JAK1: variants seen among roughly 807,000 people sequenced by gnomAD.
The protein encoded by JAK1 is Janus kinase 1.
JAK1 carries 16 observed loss-of-function variants against 136.6 expected under a neutral mutation model. The observed-to-expected ratio is 0.12, with a 90% CI of 0.08 to 0.18. JAK1 has a LOEUF of 0.18. JAK1 is among the 10% of genes least tolerant of loss of function. JAK1 has a pLI of 1.00. For synonymous variants in JAK1, 492 were observed against 519.5 expected, an observed-to-expected ratio of 0.95 and a Z score of 0.72; for missense variants, 859 against 1,450.1, an observed-to-expected ratio of 0.59 and a Z score of 6.62.
exon 1 of JAK1, chr1:65,067,656 C>T (rs1397181269): frequency 6.7e-6 from 1 of 150,066 alleles, no homozygotes; most frequent in Non-Finnish European, 1.5e-5. Context: ...CCGCTATTTG[C>T]ATGAGGATTA....
At position 64,864,893 on chromosome 1, in the gene JAK1, T is replaced by C. The variant is rs1195291565; in HGVS notation, c.1070A>G (p.Asn357Ser). The C allele has an allele frequency of 6.2e-7, 1 of 1,613,924 alleles. No homozygotes were observed. Among genetic ancestry groups the C allele is most frequent in the Non-Finnish European group, 8.5e-7 (1 of 1,179,882 alleles). The change falls in exon 8 of 25, where the codon AAC becomes AGC. Residue 357 changes from asparagine (N) to serine (S), a missense_variant. This residue lies in a region of JAK1 where 353 missense variants were observed against 494.0 expected (regional missense o/e 0.71). Transcript: ENST00000342505. ...ATTGTTCCACTCTTCCCGGATCTTG[T>C]TTTTCTCCTCATCCTTCTTGTGTTT... ...ENKHKKDEEK[N>S]KIREEWNNFS...
At chr1:65,054,786 T>C (rs965489368) in intron 1 of JAK1, among the ~76,000 whole-genome samples, 1 of 151,980 alleles carries the variant, frequency 6.6e-6, no homozygotes, top group Non-Finnish European at 1.5e-5. Flanking sequence ...ATATTGAGTT[T>C]TCTTTACATT....
chr1:64,847,613 C>G lies in JAK1; in HGVS notation c.1818G>C (p.Lys606Asn), dbSNP rs555662015. 17 of 1,614,168 alleles carry G rather than the reference C, an allele frequency of 1.1e-5. No individual in the cohort carries two copies. Among genetic ancestry groups the G allele is most frequent in the Non-Finnish European group, 1.4e-5 (16 of 1,180,018 alleles). ...HIYSGTLMDY[K>N]DDEGTSEEKK... ...TCTCTTCAGAAGTTCCTTCGTCATC[C>G]TTGTAATCCATCAGGGTCCCAGAAT... The change falls in exon 13 of 25, where the codon AAG (lysine) becomes AAC (asparagine). Residue 606 changes from lysine (K) to asparagine (N), a missense_variant. By Grantham distance (94) the Lys-to-Asn change is moderately conservative. Around this residue, in one of 4 missense-constraint regions of JAK1, gnomAD observed 409 missense variants for 753.8 expected, o/e 0.54. Coordinates refer to ENST00000342505, the MANE Select transcript of JAK1 (RefSeq NM_002227.4).
intron 9 of JAK1, among the ~76,000 whole-genome samples, chr1:64,858,649 C>G (rs1656097859): frequency 6.6e-6 from 1 of 152,154 alleles, no homozygotes; most frequent in African/African-American, 2.4e-5. Flanking sequence ...GTGTCAGACC[C>G]TGTGTGTGCT....
intron 2 of JAK1, among the ~76,000 whole-genome samples, chr1:64,885,317 G>T (rs936868480): frequency 6.6e-6 from 1 of 152,198 alleles, no homozygotes; most frequent in Non-Finnish European, 1.5e-5. Flanking sequence ...GCTTCATAAT[G>T]TAAGATAAAC....
At chr1:64,910,638 A>G (rs1273995276) in intron 1 of JAK1, among the ~76,000 whole-genome samples, 1 of 152,164 alleles carries the variant, frequency 6.6e-6, no homozygotes, top group African/African-American at 2.4e-5. Flanking sequence ...GTTCGTGACC[A>G]GCCTGGCCAA....
intron 1 of JAK1, among the ~76,000 whole-genome samples, chr1:65,060,041 A>AT (rs1344946253): frequency 6.6e-6 from 1 of 152,186 alleles, no homozygotes; most frequent in East Asian, 1.9e-4. Context: ...ATTGCCTAAA[A>AT]TGCAAAAATA....
intron 1 of JAK1, among the ~76,000 whole-genome samples, chr1:64,887,199 G>A (rs1219849182): frequency 6.6e-6 from 1 of 152,190 alleles, no homozygotes; most frequent in African/African-American, 2.4e-5. Context: ...GGCTTGGGAA[G>A]GCTTTCTGCA....
At chr1:65,054,317 A>C (rs1348499395) in intron 1 of JAK1, among the ~76,000 whole-genome samples, 1 of 152,146 alleles carries the variant, frequency 6.6e-6, no homozygotes, top group Non-Finnish European at 1.5e-5. Flanking sequence ...ATACTTTTTA[A>C]AACTATACTT....
chr1:64,884,168 G>A (rs1644819224), intron 2 of JAK1, among the ~76,000 whole-genome samples: 1 of 152,136 alleles, frequency 6.6e-6, no homozygotes, highest in Non-Finnish European at 1.5e-5. Flanking sequence ...CTTTGGAACA[G>A]TTAGAAAACC....
At chr1:64,947,825 C>T (rs1260614903) in intron 1 of JAK1, among the ~76,000 whole-genome samples, 1 of 151,770 alleles carries the variant, frequency 6.6e-6, no homozygotes, top group Non-Finnish European at 1.5e-5. Context: ...ATAACATTTC[C>T]AGCTGGGCCA....
intron 1 of JAK1, among the ~76,000 whole-genome samples, chr1:64,917,317 G>A (rs759871256): frequency 6.6e-6 from 1 of 152,056 alleles, no homozygotes; most frequent in Non-Finnish European, 1.5e-5. Context: ...TATGAAGGAA[G>A]AATCAAGATA....
intron 1 of JAK1, among the ~76,000 whole-genome samples, chr1:64,931,956 A>AG (rs374232107): frequency 0.03 from 4,478 of 150,462 alleles, 172 homozygotes; most frequent in African/African-American, 0.093. Flanking sequence ...CTAAAAAAGG[A>AG]GGGGGGGGGA....
intron 2 of JAK1, chr1:64,985,336 G>A: frequency 1.2e-6 from 2 of 1,611,158 alleles, no homozygotes; most frequent in East Asian, 4.5e-5. Flanking sequence ...ACAGTGACTT[G>A]CTTTTCTTGT....
At chr1:64,983,127 C>G (rs563924618) in intron 2 of JAK1, among the ~76,000 whole-genome samples, 46 of 152,206 alleles carry the variant, frequency 3.0e-4, no homozygotes, top group African/African-American at 1.1e-3. Flanking sequence ...AAAGGGAGAT[C>G]CAGCAACATA....
chr1:64,884,048 T>A (rs1644817027), intron 2 of JAK1, among the ~76,000 whole-genome samples: 1 of 152,128 alleles, frequency 6.6e-6, no homozygotes, highest in South Asian at 2.1e-4. Flanking sequence ...TTCATGTTCA[T>A]AAGTCACATG....
intron 1 of JAK1, chr1:64,941,976 T>C (rs1645898658): frequency 1.3e-5 from 2 of 152,200 alleles, no homozygotes; most frequent in African/African-American, 4.8e-5. Flanking sequence ...AGCTTGGTTG[T>C]TCCTGACAAA....
At chr1:65,054,218 C>A (rs918246761) in intron 1 of JAK1, among the ~76,000 whole-genome samples, 2 of 152,040 alleles carry the variant, frequency 1.3e-5, no homozygotes, top group Non-Finnish European at 2.9e-5. Context: ...CATGTAACAA[C>A]AAATAGGAAA....
At position 64,872,288 on chromosome 1, in the gene JAK1, G is replaced by A. The variant is rs547894507; in HGVS notation, c.483+1082C>T. Among the ~76,000 whole-genome samples, 6 of 152,292 alleles carry A rather than the reference G, an allele frequency of 3.9e-5. No homozygotes were observed. The East Asian group carries it at 7.7e-4, about 20-fold the overall frequency. On this transcript the variant is annotated intron_variant, in intron 5 of 24. Coordinates refer to ENST00000342505, the MANE Select transcript of JAK1 (RefSeq NM_002227.4). ...AGCAAAGAATCATCTGGGCCAAAAG[G>A]TCAGTAGTGCTGCTGCTGAGACACT... is the stretch of plus-strand genomic sequence containing the variant.
Sources: gnomAD v4.1 joint callset for allele counts (sites outside exome capture counted in the v4.1 genomes callset) on GRCh38, gnomAD v4.1.1 for gene constraint, gnomAD v4.1.1 regional missense constraint, MANE v1.5 for transcripts, NCBI Gene and HGNC (gene_info 2026-07-23, HGNC 2026-07-21) for gene names.